Variants in ASPA observed in about 807,000 individuals in gnomAD.
The protein encoded by ASPA is ACY-2.
A neutral mutation model predicts 29.6 loss-of-function variants in ASPA; 25 were observed. That is an observed-to-expected ratio of 0.85 (90% confidence interval 0.62 to 1.18). The LOEUF is 1.18. ASPA is among the 50% of genes most tolerant of loss of function. The pLI is 0.00. For synonymous variants in ASPA, 131 were observed against 130.3 expected, an observed-to-expected ratio of 1.01 and a Z score of -0.04; for missense variants, 333 against 385.7, an observed-to-expected ratio of 0.86 and a Z score of 1.14.
rs2073977635 is a variant in ASPA, at chr17:3,500,555, T to C, written c.*1467T>C. On this transcript the variant is annotated 3_prime_UTR_variant, in exon 6 of 6. Transcript: ENST00000263080. ...TCTTGCTCTGTCGTCCAGGCTGGAG[T>C]GCAGTGGCGCAATCTCGGCTCACTG... 6.6e-6 allele frequency: 1 copy of C among 151,954 alleles called. No individual in the cohort carries two copies. The highest frequency in any genetic ancestry group is 1.5e-5 in the Non-Finnish European group (1 of 68,030). 9.4% of individuals were successfully genotyped at this position (151,954 alleles called of 1,614,324 possible).
At chr17:3,494,484 T>A (rs753094905) in intron 5 of ASPA, 25 bp downstream of exon 5, 1 of 1,550,658 alleles carries the variant, frequency 6.4e-7, no homozygotes, top group Non-Finnish European at 8.9e-7. Flanking sequence ...TTCTTTAAAA[T>A]GTTGAAAATA....
rs575159181 is a variant in ASPA at position 3,490,742 on chromosome 17, A to C, written c.634+1400A>C. Among the ~76,000 whole-genome samples, 2 of 152,354 alleles carry C rather than the reference A, an allele frequency of 1.3e-5. No individual in the cohort carries two copies. The highest frequency in any genetic ancestry group is 3.9e-4 in the East Asian group (2 of 5,190). On this transcript the variant is annotated intron_variant, in intron 4 of 5. Transcript: ENST00000263080. The surrounding 1 kb of genome is among the most constrained non-coding windows in gnomAD (Gnocchi z 4.6). ...AGTGTGGGACTACAATATATTAAGA[A>C]GTGATACATTCAGATAGAAGGCCAC...
At chr17:3,477,646 G>T (rs1403374333) in intron 1 of ASPA, among the ~76,000 whole-genome samples, 1 of 151,974 alleles carries the variant, frequency 6.6e-6, no homozygotes, top group Non-Finnish European at 1.5e-5. Flanking sequence ...TAGAGACGGG[G>T]TTTCTCCATG....
Position 3,494,367 on chromosome 17 carries a change from T to G in ASPA, c.652T>G (p.Cys218Gly). 1 of 1,611,242 alleles carries G rather than the reference T, an allele frequency of 6.2e-7. No individual in the cohort carries two copies. Among genetic ancestry groups the G allele is most frequent in the Non-Finnish European group, 8.5e-7 (1 of 1,177,356 alleles). ...HFNEGKEFPP[C>G]AIEVYKIIEK... Reference sequence around the variant, plus strand: ...TGTCATAGGAAAAGAATTTCCTCCCTGCGCCATTGAGGTCTATAAAATTAT... The same window carrying G: ...TGTCATAGGAAAAGAATTTCCTCCCGGCGCCATTGAGGTCTATAAAATTAT... The change falls in exon 5 of 6, where the codon TGC becomes GGC. Residue 218 changes from cysteine (C) to glycine (G), a missense_variant. Physicochemically the swap from Cys to Gly is radical, Grantham distance 159. Coordinates refer to ENST00000263080, the MANE Select transcript of ASPA (RefSeq NM_000049.4).
At chr17:3,482,948 A>G (rs75740380) in intron 2 of ASPA, among the ~76,000 whole-genome samples, 10,006 of 67,652 alleles carry the variant, frequency 0.15, 671 homozygotes, top group East Asian at 0.35. Context: ...CCCTCCCCCC[A>G]CCCCAATTCT....
intron 4 of ASPA, among the ~76,000 whole-genome samples, chr17:3,493,633 T>A (rs2073862618): frequency 6.8e-6 from 1 of 147,638 alleles, no homozygotes; most frequent in African/African-American, 2.5e-5. Flanking sequence ...CTGGAACTCC[T>A]CCTGAAAATA....
At chr17:3,484,014 T>C (rs1405697345) in intron 3 of ASPA, among the ~76,000 whole-genome samples, 1 of 152,204 alleles carries the variant, frequency 6.6e-6, no homozygotes, top group Non-Finnish European at 1.5e-5. Flanking sequence ...AGGCTTATAA[T>C]TGTCAAGTAA....
At chr17:3,497,557 CCTCCT>C (rs1329301371) in intron 5 of ASPA, among the ~76,000 whole-genome samples, 1 of 152,034 alleles carries the variant, frequency 6.6e-6, no homozygotes, top group African/African-American at 2.4e-5. Flanking sequence ...ATGCCTAGGC[CCTCCT>C]CTCAGATTCT....
chr17:3,481,254 C>T (rs1019668945), intron 1 of ASPA, among the ~76,000 whole-genome samples: 8 of 152,038 alleles, frequency 5.3e-5, no homozygotes, highest in African/African-American at 1.9e-4. Flanking sequence ...AATAAATAAC[C>T]CAGTGTACCA....
Position 3,476,414 on chromosome 17 carries a change from T to C in ASPA, c.236+19T>C. ...ATCTTGGGTAAGACTATGCTTTGTA[T>C]TGTATATGTATGTATGTTGTGTGAA... On this transcript the variant is annotated intron_variant, in intron 1 of 5. Coordinates refer to ENST00000263080, the MANE Select transcript of ASPA (RefSeq NM_000049.4). 6.2e-7 allele frequency: 1 copy of C among 1,604,962 alleles called. No individual in the cohort carries two copies. Among genetic ancestry groups the C allele is most frequent in the African/African-American group, 1.3e-5 (1 of 74,902 alleles).
intron 4 of ASPA, among the ~76,000 whole-genome samples, chr17:3,494,076 G>A (rs182476532): frequency 8.4e-5 from 12 of 142,354 alleles, no homozygotes; most frequent in South Asian, 2.2e-4. Flanking sequence ...CACTCTTGTT[G>A]CCCAGGTTGG....
Position 3,490,096 on chromosome 17 carries a change from A to G in ASPA, c.634+754A>G, listed in dbSNP as rs184929574. Among the ~76,000 whole-genome samples the G allele has an allele frequency of 2.6e-5, 4 of 152,298 alleles. No homozygotes were observed. Among genetic ancestry groups the G allele is most frequent in the Admixed American group, 2.6e-4 (4 of 15,292 alleles). On this transcript the variant is annotated intron_variant, in intron 4 of 5. Transcript: ENST00000263080. The surrounding 1 kb of genome is among the most constrained non-coding windows in gnomAD (Gnocchi z 4.6). ...ACAATAATAATCATCACCTTCTAGG[A>G]TACATATATATGTTAACACATCACA...
In ASPA at chr17:3,490,311, C is replaced by G. The variant is rs1202126222; in HGVS notation, c.634+969C>G. Among the ~76,000 whole-genome samples the G allele has an allele frequency of 2.0e-5, 3 of 152,082 alleles. No homozygotes were observed. The highest frequency in any genetic ancestry group is 7.2e-5 in the African/African-American group (3 of 41,412). ...GGGTATATGCAGCTCTATGCACTAT[C>G]TGCTCATTTATTTGGTAAATCTAAA... On this transcript the variant is annotated intron_variant, in intron 4 of 5. Coordinates refer to ENST00000263080, the MANE Select transcript of ASPA (RefSeq NM_000049.4). The surrounding 1 kb of genome is among the most constrained non-coding windows in gnomAD (Gnocchi z 4.6).
chr17:3,496,554 AGAG>A (rs1218620292), intron 5 of ASPA, among the ~76,000 whole-genome samples: 1 of 152,132 alleles, frequency 6.6e-6, no homozygotes, highest in East Asian at 1.9e-4. Context: ...ATATCCCTGG[AGAG>A]GAGGAGTGAG....
At chr17:3,489,369 C>A in intron 4 of ASPA, 27 bp downstream of exon 4, 2 of 1,511,752 alleles carry the variant, frequency 1.3e-6, no homozygotes, top group South Asian at 2.3e-5. Context: ...GTAACGTTAT[C>A]AAACTTAACC....
chr17:3,482,064 A>G (rs2073641162), intron 2 of ASPA, among the ~76,000 whole-genome samples: 1 of 152,254 alleles, frequency 6.6e-6, no homozygotes, highest in Non-Finnish European at 1.5e-5. Flanking sequence ...TTGTGTCTAT[A>G]AAATTACACG....
At chr17:3,495,501 T>C (rs2073893736) in intron 5 of ASPA, among the ~76,000 whole-genome samples, 1 of 152,242 alleles carries the variant, frequency 6.6e-6, no homozygotes, top group African/African-American at 2.4e-5. Context: ...GCTTTGTGGC[T>C]TAATGGGACC....
intron 4 of ASPA, among the ~76,000 whole-genome samples, chr17:3,492,130 G>C (rs570569801): frequency 6.6e-6 from 1 of 152,268 alleles, no homozygotes; most frequent in African/African-American, 2.4e-5. Context: ...GCCTGCCTCG[G>C]CTTCCCAAAG....
At position 3,490,205 on chromosome 17, in the gene ASPA, A is replaced by C. The variant is rs1441006861; in HGVS notation, c.634+863A>C. ...GCAAAACCCAGGCTAATTTTGTCTT[A>C]ATTATATTCAATAAGAATAATGTAT... is the stretch of plus-strand genomic sequence containing the variant. On this transcript the variant is annotated intron_variant, in intron 4 of 5. Coordinates refer to ENST00000263080, the MANE Select transcript of ASPA (RefSeq NM_000049.4). The surrounding 1 kb of genome is among the most constrained non-coding windows in gnomAD (Gnocchi z 4.6). Among the ~76,000 whole-genome samples, 1 of 152,192 alleles carries C rather than the reference A, an allele frequency of 6.6e-6. No homozygotes were observed. Among genetic ancestry groups the C allele is most frequent in the Non-Finnish European group, 1.5e-5 (1 of 68,026 alleles).
Sources: gnomAD v4.1 joint callset for allele counts (sites outside exome capture counted in the v4.1 genomes callset) on GRCh38, gnomAD v4.1.1 for gene constraint, Gnocchi (gnomAD v3.1) non-coding constraint, MANE v1.5 for transcripts, NCBI Gene and HGNC (gene_info 2026-07-23, HGNC 2026-07-21) for gene names.